FRMD4A: variants seen among roughly 807,000 people sequenced by gnomAD.
FRMD4A encodes the protein FERM domain containing 4A.
A neutral mutation model predicts 129.1 loss-of-function variants in FRMD4A; 29 were observed. The observed-to-expected ratio is 0.22, with a 90% CI of 0.17 to 0.31. The LOEUF (loss-of-function observed/expected upper bound fraction) is 0.31, where lower values mean the gene tolerates loss of function less well. Ranked by LOEUF, FRMD4A falls within the 10% of genes least tolerant of loss-of-function variation. The pLI is 1.00. For missense variants in FRMD4A, 1,272 were observed against 1,375.8 expected, an observed-to-expected ratio of 0.92 and a Z score of 1.19; for synonymous variants, 634 against 571.6, an observed-to-expected ratio of 1.11 and a Z score of -1.56.
rs546016092 is a variant in FRMD4A, at chr10:14,236,658, G to A, written c.45+93400C>T. ...TGCCCCACTGCCTGAGGGCAAGAGA[G>A]GGAACATTTGGCCCTGCTCGGGTGT... On this transcript the variant is annotated intron_variant, in intron 2 of 24. Transcript: ENST00000357447. Among the ~76,000 whole-genome samples the A allele has an allele frequency of 3.3e-5, 5 of 152,334 alleles. No individual in the cohort carries two copies. In the South Asian group the frequency reaches 1.0e-3, roughly 32 times the overall value.
At chr10:14,254,826 G>A (rs76954705) in intron 2 of FRMD4A, among the ~76,000 whole-genome samples, 9,707 of 151,980 alleles carry the variant, frequency 0.064, 389 homozygotes, top group Non-Finnish European at 0.089. Context: ...GGTTTTAAGG[G>A]GAAGAGTAGA....
intron 15 of FRMD4A, among the ~76,000 whole-genome samples, chr10:13,691,706 A>C (rs1445509542): frequency 6.6e-6 from 1 of 152,218 alleles, no homozygotes; most frequent in Non-Finnish European, 1.5e-5. Context: ...ACTGAGCTTC[A>C]AGAATCCAAG....
chr10:13,886,825 C>T (rs576391560), intron 2 of FRMD4A, among the ~76,000 whole-genome samples: 170 of 152,314 alleles, frequency 1.1e-3, no homozygotes, highest in African/African-American at 3.9e-3. Context: ...TTTGCTTATA[C>T]AACCAGGGTC....
chr10:13,691,377 G>A (rs918805344), intron 15 of FRMD4A, among the ~76,000 whole-genome samples: 4 of 152,180 alleles, frequency 2.6e-5, no homozygotes, highest in East Asian at 1.9e-4. Context: ...TGCTATTAAG[G>A]TAAATTGCTG....
At chr10:13,803,084 G>A (rs1258953882) in intron 4 of FRMD4A, among the ~76,000 whole-genome samples, 1 of 144,546 alleles carries the variant, frequency 6.9e-6, no homozygotes, top group East Asian at 2.1e-4. Flanking sequence ...GGGAGACAGA[G>A]TTTGCAGTGA....
intron 2 of FRMD4A, among the ~76,000 whole-genome samples, chr10:14,004,191 A>G (rs1319050935): frequency 1.3e-5 from 2 of 152,254 alleles, no homozygotes; most frequent in Non-Finnish European, 2.9e-5. Flanking sequence ...ATAGCCCTAA[A>G]GGATCTCCCC....
chr10:13,728,175 A>AT (rs1426704958), intron 12 of FRMD4A, among the ~76,000 whole-genome samples: 1 of 152,194 alleles, frequency 6.6e-6, no homozygotes, highest in Non-Finnish European at 1.5e-5. Flanking sequence ...GTAATTGGAA[A>AT]TGCCTTATGT....
chr10:13,915,912 G>C (rs2094998031), intron 2 of FRMD4A, among the ~76,000 whole-genome samples: 1 of 152,166 alleles, frequency 6.6e-6, no homozygotes, highest in Non-Finnish European at 1.5e-5. Flanking sequence ...CAGGGACCAG[G>C]CACGGCGAAC....
intron 2 of FRMD4A, among the ~76,000 whole-genome samples, chr10:14,139,019 T>G (rs188300060): frequency 2.6e-5 from 4 of 152,340 alleles, no homozygotes; most frequent in African/African-American, 9.6e-5. Context: ...GCTAGGAATC[T>G]CAATGATCTT....
At chr10:14,202,885 A>C (rs1842680762) in intron 2 of FRMD4A, among the ~76,000 whole-genome samples, 1 of 151,988 alleles carries the variant, frequency 6.6e-6, no homozygotes, top group Admixed American at 6.6e-5. Context: ...TGATCCTCCC[A>C]CTTCAGCCTC....
intron 15 of FRMD4A, among the ~76,000 whole-genome samples, chr10:13,690,868 T>C (rs1429563443): frequency 6.6e-6 from 1 of 152,246 alleles, no homozygotes; most frequent in Non-Finnish European, 1.5e-5. Flanking sequence ...ACAGATGGAT[T>C]AAGCAGGAAG....
chr10:14,065,549 G>C (rs1278209326), intron 2 of FRMD4A, among the ~76,000 whole-genome samples: 1 of 152,068 alleles, frequency 6.6e-6, no homozygotes, highest in Non-Finnish European at 1.5e-5. Context: ...TCACAGGGCA[G>C]CCTCCTCCAA....
chr10:13,819,739 G>A (rs10796133), intron 3 of FRMD4A, among the ~76,000 whole-genome samples: 79,748 of 146,662 alleles, frequency 0.54, 21,772 homozygotes, highest in South Asian at 0.74. Context: ...TCTGGAGTGC[G>A]GGCTGGAGTA....
At chr10:13,820,986 A>G (rs2093621851) in intron 3 of FRMD4A, among the ~76,000 whole-genome samples, 1 of 152,160 alleles carries the variant, frequency 6.6e-6, no homozygotes, top group Admixed American at 6.5e-5. Flanking sequence ...GAGCAGGGGA[A>G]GGAGCGCAGC....
chr10:13,653,199 G>A (rs1238566377), intron 23 of FRMD4A: 1 of 151,700 alleles, frequency 6.6e-6, no homozygotes, highest in Admixed American at 6.5e-5. Context: ...AGAAAACCTG[G>A]TGTAAAAAAA....
At chr10:13,941,539 A>G (rs567441243) in intron 2 of FRMD4A, among the ~76,000 whole-genome samples, 2 of 152,348 alleles carry the variant, frequency 1.3e-5, no homozygotes, top group East Asian at 3.9e-4. Context: ...GCAAAGCAAA[A>G]CAAAACAGGG....
intron 2 of FRMD4A, among the ~76,000 whole-genome samples, chr10:14,204,768 A>G (rs1393939600): frequency 6.6e-6 from 1 of 152,218 alleles, no homozygotes; most frequent in Non-Finnish European, 1.5e-5. Flanking sequence ...TCTCCCTCAC[A>G]TCTGCATAGC....
intron 2 of FRMD4A, among the ~76,000 whole-genome samples, chr10:13,910,654 T>C (rs1262151806): frequency 6.6e-6 from 1 of 152,254 alleles, no homozygotes; most frequent in African/African-American, 2.4e-5. Flanking sequence ...AATTGTTGAA[T>C]ATGTTTTAAT....
intron 3 of FRMD4A, among the ~76,000 whole-genome samples, chr10:13,842,332 A>T (rs1244299692): frequency 6.6e-6 from 1 of 152,220 alleles, no homozygotes; most frequent in Non-Finnish European, 1.5e-5. Context: ...GAGGAAACAG[A>T]TCATGAACTT....
Sources: allele counts gnomAD v4.1 joint callset (sites outside exome capture counted in the v4.1 genomes callset), GRCh38; gene constraint gnomAD v4.1.1; transcripts MANE v1.5; gene names NCBI Gene and HGNC (gene_info 2026-07-23, HGNC 2026-07-21).